The following IGSF21 variants were observed in gnomAD, a reference collection of about 807,000 sequenced individuals.
The protein encoded by IGSF21 is immunoglobulin superfamily member 21.
A neutral mutation model predicts 46.8 loss-of-function variants in IGSF21; 28 were observed. The ratio of observed to expected loss-of-function variants is 0.60; its 90% CI spans 0.44 to 0.82. The LOEUF (loss-of-function observed/expected upper bound fraction) is 0.82, where lower values mean the gene tolerates loss of function less well. IGSF21 is among the 40% of genes least tolerant of loss of function. The probability of loss-of-function intolerance (pLI) is 0.00; values close to 1 mark genes in which losing one functional copy is unlikely to be tolerated. For synonymous variants in IGSF21, 284 were observed against 273.6 expected (o/e 1.04, Z -0.38); for missense variants, 624 against 665.5 (o/e 0.94, Z 0.69).
rs184729181 is a variant in IGSF21, at chr1:18,342,451, G to A, written c.424+7441G>A. 3.9e-5 allele frequency among the ~76,000 whole-genome samples: 6 copies of A among 152,186 alleles called. No individual in the cohort carries two copies. The East Asian group carries it at 9.6e-4, about 24-fold the overall frequency. ...ATACAATTCCTATAACATGCAATCCGCTCATGTAAAGTGTAAAAAACAGTG... is the reference window on the plus strand; with the variant it reads ...ATACAATTCCTATAACATGCAATCCACTCATGTAAAGTGTAAAAAACAGTG... On this transcript the variant is annotated intron_variant, in intron 4 of 9. Coordinates refer to ENST00000251296, the MANE Select transcript of IGSF21 (RefSeq NM_032880.5).
intron 4 of IGSF21, among the ~76,000 whole-genome samples, chr1:18,347,093 G>A (rs1003760060): frequency 2.0e-5 from 3 of 152,156 alleles, no homozygotes; most frequent in Non-Finnish European, 4.4e-5. Context: ...TAGCAAGAAC[G>A]GTCACTTCCC....
chr1:18,265,566 C>T (rs563812032), intron 2 of IGSF21, among the ~76,000 whole-genome samples: 1 of 152,304 alleles, frequency 6.6e-6, no homozygotes, highest in African/African-American at 2.4e-5. Flanking sequence ...GAGCCCCTTT[C>T]TTGGAGTGCT....
At chr1:18,218,083 G>A (rs547539251) in intron 1 of IGSF21, among the ~76,000 whole-genome samples, 11 of 152,202 alleles carry the variant, frequency 7.2e-5, no homozygotes, top group Non-Finnish European at 1.5e-4. Flanking sequence ...GACTGCCTGA[G>A]CCTGGGTAAT....
intron 2 of IGSF21, among the ~76,000 whole-genome samples, chr1:18,288,871 C>T (rs1259111616): frequency 6.6e-6 from 1 of 152,184 alleles, no homozygotes; most frequent in Non-Finnish European, 1.5e-5. Flanking sequence ...TTCACAGAAG[C>T]AGTTATTTAC....
chr1:18,196,465 C>T (rs1029240744), intron 1 of IGSF21, among the ~76,000 whole-genome samples: 6 of 152,178 alleles, frequency 3.9e-5, no homozygotes, highest in Admixed American at 6.5e-5. Context: ...AAGAGCTCAA[C>T]AACCAACATA....
chr1:18,274,993 C>G (rs889869981), intron 2 of IGSF21, among the ~76,000 whole-genome samples: 1 of 152,134 alleles, frequency 6.6e-6, no homozygotes, highest in Non-Finnish European at 1.5e-5. Flanking sequence ...CGCCACTGCA[C>G]TCCAGCCTGG....
chr1:18,153,553 C>T (rs1236392752), intron 1 of IGSF21, among the ~76,000 whole-genome samples: 2 of 152,214 alleles, frequency 1.3e-5, no homozygotes, highest in Non-Finnish European at 2.9e-5. Context: ...ACAGCAGCAG[C>T]CACGGGGTGG....
At chr1:18,144,968 G>A (rs964933314) in intron 1 of IGSF21, among the ~76,000 whole-genome samples, 1 of 152,126 alleles carries the variant, frequency 6.6e-6, no homozygotes, top group African/African-American at 2.4e-5. Context: ...GCCTCAAAAA[G>A]CCTTCCTCCC....
intron 1 of IGSF21, chr1:18,176,132 G>C (rs569642596): frequency 2.0e-5 from 3 of 152,360 alleles, no homozygotes; most frequent in Non-Finnish European, 2.9e-5. Context: ...CAATGAGCCT[G>C]GTTGGGAATC....
intron 2 of IGSF21, among the ~76,000 whole-genome samples, chr1:18,241,800 C>A (rs1170545046): frequency 6.6e-6 from 1 of 152,178 alleles, no homozygotes; most frequent in Non-Finnish European, 1.5e-5. Context: ...TCACAAGATG[C>A]CGGTACAGTT....
intron 2 of IGSF21, among the ~76,000 whole-genome samples, chr1:18,230,520 GC>G (rs752770648): frequency 2.7e-4 from 41 of 152,224 alleles, no homozygotes; most frequent in Non-Finnish European, 4.3e-4. Context: ...AAATGCCTGG[GC>G]CCTTGTAATT....
chr1:18,305,488 T>TGCATGGATGATGGATG (rs1553162222), intron 3 of IGSF21, among the ~76,000 whole-genome samples: 2,221 of 50,386 alleles, frequency 0.044, 82 homozygotes, highest in African/African-American at 0.078. Context: ...GATGGATGGA[T>TGCATGGATGATGGATG]GATGGATGGA....
intron 4 of IGSF21, 87 bp from the exon 5 acceptor site, chr1:18,362,028 T>C (rs1193441542): frequency 2.5e-6 from 2 of 802,480 alleles, no homozygotes; most frequent in Non-Finnish European, 4.0e-6. Context: ...GCACCCAGCA[T>C]GGACGTGGCC....
In IGSF21 at chr1:18,271,263, G is replaced by A. The variant is rs561214965; in HGVS notation, c.184-20603G>A. ...GACAAAGTACTGTATTGACACTGATGATATCTGTCATCCCATAACTTCAAC... is the reference window on the plus strand; with the variant it reads ...GACAAAGTACTGTATTGACACTGATAATATCTGTCATCCCATAACTTCAAC... On this transcript the variant is annotated intron_variant, in intron 2 of 9. Transcript: ENST00000251296. Among the ~76,000 whole-genome samples, 146 of 152,184 alleles carry A rather than the reference G, an allele frequency of 9.6e-4. 1 individual carries two copies. In the Middle Eastern group the frequency reaches 0.041, roughly 43 times the overall value.
intron 3 of IGSF21, among the ~76,000 whole-genome samples, chr1:18,310,258 C>A (rs1276146684): frequency 6.6e-6 from 1 of 152,222 alleles, no homozygotes; most frequent in Non-Finnish European, 1.5e-5. Flanking sequence ...CATGCACACA[C>A]AGCTGCCCAG....
At chr1:18,157,178 C>T (rs1455766042) in intron 1 of IGSF21, among the ~76,000 whole-genome samples, 4 of 152,192 alleles carry the variant, frequency 2.6e-5, no homozygotes, top group African/African-American at 9.6e-5. Context: ...TAACTTTCTA[C>T]AACCCTCACT....
At chr1:18,220,064 T>C (rs74323912) in intron 1 of IGSF21, among the ~76,000 whole-genome samples, 14,238 of 152,228 alleles carry the variant, frequency 0.094, 812 homozygotes, top group East Asian at 0.15. Context: ...GTTCTGGCAC[T>C]CACCTGCTGA....
rs41300138 is a variant in IGSF21, at chr1:18,365,171, G to A, written c.541-52G>A. 6.6e-5 allele frequency: 94 copies of A among 1,433,192 alleles called. 1 individual carries two copies. In the African/African-American group the frequency reaches 1.2e-3, roughly 18 times the overall value. The allele number at this position is 1,433,192 out of a possible 1,614,324, so 88.8% of individuals were successfully genotyped here. A position where few individuals can be genotyped will look rare whatever the true frequency, so the allele number is the denominator to read the frequency against. ...AGTTCATCGGAGAACCCACTGGGAG[G>A]TTGAAGTTAGTAGCACAAAATCATT... On this transcript the variant is annotated intron_variant, in intron 5 of 9. Transcript: ENST00000251296. This position sits in a 1 kb window ranked among gnomAD's most constrained non-coding sequence, Gnocchi z 4.8.
intron 2 of IGSF21, among the ~76,000 whole-genome samples, chr1:18,272,478 A>G (rs1331558049): frequency 2.0e-5 from 3 of 152,220 alleles, no homozygotes; most frequent in African/African-American, 7.2e-5. Flanking sequence ...TCCAGTGAGC[A>G]AGTGCACACA....
Sources: gnomAD v4.1 joint callset for allele counts (sites outside exome capture counted in the v4.1 genomes callset) on GRCh38, gnomAD v4.1.1 for gene constraint, Gnocchi (gnomAD v3.1) non-coding constraint, MANE v1.5 for transcripts, NCBI Gene and HGNC (gene_info 2026-07-23, HGNC 2026-07-21) for gene names.